Variants in DLG2 observed in about 807,000 individuals in gnomAD.
DLG2 encodes the protein disks large homolog 2.
In DLG2, 45 loss-of-function variants were observed where a neutral mutation model predicts 132.5. The observed-to-expected ratio is 0.34, with a 90% CI of 0.27 to 0.44. DLG2 has a LOEUF of 0.44. Ranked by LOEUF, DLG2 falls within the 20% of genes least tolerant of loss-of-function variation. The pLI is 1.00. For synonymous variants in DLG2, 424 were observed against 419.6 expected, an observed-to-expected ratio of 1.01 and a Z score of -0.13; for missense variants, 1,045 against 1,196.9, an observed-to-expected ratio of 0.87 and a Z score of 1.87.
intron 4 of DLG2, among the ~76,000 whole-genome samples, chr11:85,184,323 A>AT (rs906049651): frequency 4.6e-4 from 70 of 150,576 alleles, no homozygotes; most frequent in African/African-American, 1.5e-3. Context: ...AAACAAGGGG[A>AT]TTTTTTTTTA....
At chr11:83,627,496 G>T (rs2062788995) in intron 19 of DLG2, among the ~76,000 whole-genome samples, 1 of 152,082 alleles carries the variant, frequency 6.6e-6, no homozygotes, top group Non-Finnish European at 1.5e-5. Flanking sequence ...AGTTTGCTCA[G>T]AACGATGGTT....
chr11:85,380,980 T>C lies in DLG2; in HGVS notation c.41-95615A>G, dbSNP rs542010710. Among the ~76,000 whole-genome samples, 10 of 152,284 alleles carry C rather than the reference T, an allele frequency of 6.6e-5. No individual in the cohort carries two copies. The South Asian group carries it at 1.9e-3, about 28-fold the overall frequency. ...GGCTAAGAGTTACAGAAAAATCACA[T>C]GAACTTTTTGGTTTATCTTCTATTT... On this transcript the variant is annotated intron_variant, in intron 3 of 27. Coordinates refer to ENST00000376104, the MANE Select transcript of DLG2 (RefSeq NM_001142699.3).
At chr11:85,203,680 C>T (rs1254711622) in intron 4 of DLG2, among the ~76,000 whole-genome samples, 4 of 152,112 alleles carry the variant, frequency 2.6e-5, no homozygotes, top group Admixed American at 6.6e-5. Context: ...TACTTCCAAA[C>T]TCATTGTATG....
At chr11:83,716,062 G>A (rs955167378) in intron 18 of DLG2, among the ~76,000 whole-genome samples, 7 of 152,268 alleles carry the variant, frequency 4.6e-5, no homozygotes, top group African/African-American at 1.7e-4. Context: ...TGTTTGATTT[G>A]TCCTCCAATG....
intron 18 of DLG2, among the ~76,000 whole-genome samples, chr11:83,669,596 T>A (rs2076491839): frequency 6.6e-6 from 1 of 152,172 alleles, no homozygotes; most frequent in Admixed American, 6.5e-5. Context: ...ACCCTTAATA[T>A]AATGGCCTAT....
intron 10 of DLG2, among the ~76,000 whole-genome samples, chr11:84,062,723 GTTGA>G (rs1819861930): frequency 7.8e-6 from 1 of 128,030 alleles, no homozygotes; most frequent in Non-Finnish European, 1.7e-5. Context: ...GACACTCAGA[GTTGA>G]TTGTTTTAAT....
intron 4 of DLG2, among the ~76,000 whole-genome samples, chr11:85,278,428 C>T (rs1279260940): frequency 6.6e-6 from 1 of 152,058 alleles, no homozygotes; most frequent in Admixed American, 6.6e-5. Flanking sequence ...ATGGTGAAAC[C>T]CGTCTGTACT....
At chr11:85,334,345 G>T (rs1351134722) in intron 3 of DLG2, among the ~76,000 whole-genome samples, 3 of 151,864 alleles carry the variant, frequency 2.0e-5, no homozygotes, top group Non-Finnish European at 1.5e-5. Flanking sequence ...ATTCTAGCTA[G>T]CAGTTTATCA....
chr11:83,990,625 T>A (rs2093654841), intron 11 of DLG2, among the ~76,000 whole-genome samples: 1 of 152,158 alleles, frequency 6.6e-6, no homozygotes. Context: ...AAAGTTATGA[T>A]TACAATGTAC....
At chr11:84,445,942 C>T (rs1004674538) in intron 7 of DLG2, among the ~76,000 whole-genome samples, 3 of 141,434 alleles carry the variant, frequency 2.1e-5, no homozygotes, top group Admixed American at 7.2e-5. Flanking sequence ...AAAAAAAATA[C>T]GTCTCAGTCA....
intron 3 of DLG2, among the ~76,000 whole-genome samples, chr11:85,488,593 C>CTAAAA (rs1230307845): frequency 2.6e-5 from 4 of 152,080 alleles, no homozygotes; most frequent in Non-Finnish European, 4.4e-5. Context: ...AGACTGAATT[C>CTAAAA]TAAAATCAGC....
chr11:83,472,610 A>G, intron 23 of DLG2, 117 bp downstream of exon 23: 2 of 851,062 alleles, frequency 2.4e-6, no homozygotes, highest in Non-Finnish European at 3.8e-6. Flanking sequence ...TACGGTCTCA[A>G]GACAACAGAG....
chr11:83,827,522 T>C (rs527594839), intron 17 of DLG2, among the ~76,000 whole-genome samples: 3 of 152,180 alleles, frequency 2.0e-5, no homozygotes, highest in Non-Finnish European at 4.4e-5. Context: ...AGCTGCAGCA[T>C]TTCACTTCTG....
Position 83,810,273 on chromosome 11 carries a change from G to A in DLG2, c.1722+23341C>T, listed in dbSNP as rs571421343. On this transcript the variant is annotated intron_variant, in intron 17 of 27. Transcript: ENST00000376104. Reference sequence around the variant, plus strand: ...TCACACCTATAAGTTCCTGGCTAATGTTGATATTTATCAAATGCTGTGTGC... The same window carrying A: ...TCACACCTATAAGTTCCTGGCTAATATTGATATTTATCAAATGCTGTGTGC... 2.0e-5 allele frequency among the ~76,000 whole-genome samples: 3 copies of A among 152,148 alleles called. No homozygotes were observed. In the South Asian group the frequency reaches 6.2e-4, roughly 32 times the overall value.
intron 15 of DLG2, among the ~76,000 whole-genome samples, chr11:83,888,492 G>C (rs2154082889): frequency 6.6e-6 from 1 of 152,204 alleles, no homozygotes; most frequent in Non-Finnish European, 1.5e-5. Flanking sequence ...TCATGGGTAG[G>C]AAGAATCAAT....
rs993768745 is a variant in DLG2, at chr11:84,279,457, G to A, written c.520-28166C>T. 5.9e-5 allele frequency among the ~76,000 whole-genome samples: 9 copies of A among 152,142 alleles called. No homozygotes were observed. In the South Asian group the frequency reaches 1.0e-3, roughly 18 times the overall value. On this transcript the variant is annotated intron_variant, in intron 7 of 27. Transcript: ENST00000376104. ...ATTTGACCCAGCAATCCCATTACTC[G>A]GTATATACCCAAAGGATTATAAGTC...
chr11:85,171,971 C>T (rs2078907837), intron 4 of DLG2, among the ~76,000 whole-genome samples: 1 of 152,234 alleles, frequency 6.6e-6, no homozygotes, highest in South Asian at 2.1e-4. Context: ...TAGGATGAAG[C>T]CCCAGGGGGA....
At chr11:84,117,919 G>A (rs1234671817) in intron 9 of DLG2, among the ~76,000 whole-genome samples, 4 of 151,962 alleles carry the variant, frequency 2.6e-5, no homozygotes, top group African/African-American at 4.8e-5. Context: ...GCAACGGTGC[G>A]ATCTCGGCTC....
intron 4 of DLG2, among the ~76,000 whole-genome samples, chr11:85,225,547 T>C (rs538147990): frequency 1.7e-4 from 26 of 152,290 alleles, no homozygotes; most frequent in African/African-American, 5.8e-4. Flanking sequence ...CTTATGCTTC[T>C]GGTCCCAGTT....
Sources: allele counts gnomAD v4.1 joint callset (sites outside exome capture counted in the v4.1 genomes callset), GRCh38; gene constraint gnomAD v4.1.1; transcripts MANE v1.5; gene names NCBI Gene and HGNC (gene_info 2026-07-23, HGNC 2026-07-21).